The following TASOR2 variants were observed in gnomAD, a reference collection of about 807,000 sequenced individuals.
TASOR2 encodes transcription activation suppressor family member 2, also known as protein TASOR 2.
TASOR2 carries 84 observed loss-of-function variants against 199.5 expected under a neutral mutation model. The observed-to-expected ratio is 0.42, with a 90% CI of 0.35 to 0.50. The LOEUF (loss-of-function observed/expected upper bound fraction) is 0.50, where lower values mean the gene tolerates loss of function less well. TASOR2 is among the 20% of genes least tolerant of loss of function. TASOR2 has a pLI of 0.02. For synonymous variants in TASOR2, 1,103 were observed against 1,046.6 expected (o/e 1.05, Z -1.04); for missense variants, 2,796 against 2,835.9 (o/e 0.99, Z 0.32).
intron 19 of TASOR2, 60 bp downstream of exon 20, chr10:5,761,531 A>C (rs1839834450): frequency 2.4e-5 from 34 of 1,439,486 alleles, no homozygotes; most frequent in Non-Finnish European, 3.1e-5. Flanking sequence ...TAGGAATGTC[A>C]AAGTTAGATA....
At chr10:5,761,202 A>T in intron 18 of TASOR2, 88 bp from the exon 20 acceptor site, 1 of 1,143,746 alleles carries the variant, frequency 8.7e-7, no homozygotes, top group Non-Finnish European at 1.2e-6. Context: ...AGAGGAACTC[A>T]TGAGTTTGAA....
chr10:5,715,915 A>G (rs1832568850), intron 2 of TASOR2, among the ~76,000 whole-genome samples: 1 of 152,156 alleles, frequency 6.6e-6, no homozygotes, highest in Non-Finnish European at 1.5e-5. Flanking sequence ...TGCTGGGATT[A>G]CAGGTGTGAG....
chr10:5,715,118 T>G (rs1359333466), intron 2 of TASOR2, among the ~76,000 whole-genome samples: 1 of 152,048 alleles, frequency 6.6e-6, no homozygotes, highest in South Asian at 2.1e-4. Context: ...AGCAGAAAGA[T>G]CTCACGAAGA....
chr10:5,757,338 C>T (rs1839110179), intron 16 of TASOR2, among the ~76,000 whole-genome samples, 182 bp from the exon 18 acceptor site: 1 of 152,148 alleles, frequency 6.6e-6, no homozygotes, highest in Non-Finnish European at 1.5e-5. Flanking sequence ...TTTGCAGCCC[C>T]TGGTGATGAT....
Position 5,738,431 on chromosome 10 carries a change from G to A in TASOR2, c.1448-1187G>A, listed in dbSNP as rs1010426210. Among the ~76,000 whole-genome samples the A allele has an allele frequency of 5.9e-5, 9 of 152,140 alleles. No individual in the cohort carries two copies. Among genetic ancestry groups the A allele is most frequent in the Non-Finnish European group, 1.0e-4 (7 of 68,022 alleles). Reference sequence around the variant, plus strand: ...ATAATATTAACAAAGAATGAAATTAGCATCAGATCACAAAATTAATTTTAT... The same window carrying A: ...ATAATATTAACAAAGAATGAAATTAACATCAGATCACAAAATTAATTTTAT... On this transcript the variant is annotated intron_variant, in intron 12 of 20. Coordinates refer to ENST00000328090, the Ensembl canonical transcript of TASOR2. This position sits in a 1 kb window ranked among gnomAD's most constrained non-coding sequence, Gnocchi z 4.7.
chr10:5,759,747 G>A (rs571549187), intron 18 of TASOR2, among the ~76,000 whole-genome samples: 1 of 152,388 alleles, frequency 6.6e-6, no homozygotes, highest in East Asian at 1.9e-4. Flanking sequence ...ACTGTTAGCT[G>A]TATGTGACCT....
At chr10:5,718,324 T>G (rs1471868924) in intron 3 of TASOR2, among the ~76,000 whole-genome samples, 3 of 148,922 alleles carry the variant, frequency 2.0e-5, no homozygotes, top group Admixed American at 6.7e-5. Flanking sequence ...GTTTTATTGT[T>G]TTTTTTTTTA....
In TASOR2 at chr10:5,706,327, A is replaced by G. The variant is rs1588646589; in HGVS notation, c.-287-6496A>G. The stretch of plus-strand genomic sequence containing the variant: ...AATTGTTTTGGCTTATATCTTTCTT[A>G]TATAAATTTTAGAATCAGATCATCA... On this transcript the variant is annotated intron_variant, in intron 1 of 20. Transcript: ENST00000328090. The surrounding 1 kb of genome is among the most constrained non-coding windows in gnomAD (Gnocchi z 4.8). Among the ~76,000 whole-genome samples the G allele has an allele frequency of 6.6e-6, 1 of 152,226 alleles. No homozygotes were observed. Among genetic ancestry groups the G allele is most frequent in the Admixed American group, 6.5e-5 (1 of 15,296 alleles).
At position 5,762,738 on chromosome 10, in the gene TASOR2, CTG is replaced by C. The variant is rs946883081; in HGVS notation, c.7289+94_7289+95del. 72 of 742,694 alleles carry C rather than the reference CTG, an allele frequency of 9.7e-5. No homozygotes were observed. The East Asian group carries it at 1.1e-3, about 11-fold the overall frequency. 46.0% of individuals were successfully genotyped at this position (742,694 alleles called of 1,614,324 possible). ...GTGTCTAAGGGAAACAGTTGGGAAA[CTG>C]TTGTTTACATACTTCATGCTATAAA... is the stretch of plus-strand genomic sequence containing the variant. On this transcript the variant is annotated intron_variant, in intron 20 of 20. Coordinates refer to ENST00000328090, the Ensembl canonical transcript of TASOR2.
chr10:5,748,248 T>C lies in TASOR2; in HGVS notation c.4827T>C (p.Thr1609=). The C allele has an allele frequency of 6.2e-7, 1 of 1,614,220 alleles. No individual in the cohort carries two copies. ...TGAATGTGTCAGTAAAACAGCAGACTAGCCCTAAAAGCAGTCAGAACCATC... is the reference window on the plus strand; with the variant it reads ...TGAATGTGTCAGTAAAACAGCAGACCAGCCCTAAAAGCAGTCAGAACCATC... Residue 1609 remains threonine, a synonymous_variant, in exon 15 of 21, where the codon ACT becomes ACC. Transcript: ENST00000328090. The surrounding 1 kb of genome is among the most constrained non-coding windows in gnomAD (Gnocchi z 5.1).
intron 15 of TASOR2, among the ~76,000 whole-genome samples, chr10:5,753,690 C>T (rs189643648): frequency 2.6e-5 from 4 of 152,208 alleles, no homozygotes; most frequent in Non-Finnish European, 5.9e-5. Context: ...GAATGGTTGC[C>T]GGATTTGGTT....
chr10:5,744,928 C>G (rs1269782168), intron 14 of TASOR2, among the ~76,000 whole-genome samples: 2 of 152,194 alleles, frequency 1.3e-5, no homozygotes, highest in Non-Finnish European at 2.9e-5. Flanking sequence ...CGTGCCCTAC[C>G]TAAGACAGAA....
At chr10:5,694,026 T>C (rs957101664) in intron 1 of TASOR2, among the ~76,000 whole-genome samples, 7 of 151,986 alleles carry the variant, frequency 4.6e-5, no homozygotes, top group Admixed American at 1.3e-4. Context: ...GAGGTTTATC[T>C]GAGTGGATGA....
intron 20 of TASOR2, 59 bp from the exon 22 acceptor site, chr10:5,762,970 A>AAAAT: frequency 6.5e-7 from 1 of 1,543,670 alleles, no homozygotes; most frequent in Non-Finnish European, 8.9e-7. Flanking sequence ...TCCCGCTTAT[A>AAAAT]AAATATTTCT....
chr10:5,753,776 A>G (rs1220196284), intron 15 of TASOR2, among the ~76,000 whole-genome samples: 1 of 152,116 alleles, frequency 6.6e-6, no homozygotes, highest in Admixed American at 6.5e-5. Context: ...AAAGTTATTG[A>G]ATGGTCTTCA....
intron 3 of TASOR2, among the ~76,000 whole-genome samples, chr10:5,718,073 A>G (rs1639079410): frequency 6.6e-6 from 1 of 152,210 alleles, no homozygotes; most frequent in South Asian, 2.1e-4. Flanking sequence ...CTTATAAAAG[A>G]TGAATTTAGA....
chr10:5,731,097 G>C, exon 11 of TASOR2: 2 of 1,613,830 alleles, frequency 1.2e-6, no homozygotes. Context: ...AGGTGAACTT[G>C]TGCCGCCCCT....
intron 1 of TASOR2, chr10:5,712,425 T>A: frequency 1.6e-6 from 2 of 1,231,722 alleles, no homozygotes; most frequent in South Asian, 4.1e-5. Context: ...GTTCAGACTC[T>A]CTCTTCCAGA....
intron 8 of TASOR2, 72 bp downstream of exon 9, chr10:5,724,605 G>T: frequency 5.0e-6 from 1 of 198,804 alleles, no homozygotes. Flanking sequence ...GTGCCTAGAT[G>T]GCACATATAT....
Sources: gnomAD v4.1 joint callset for allele counts (sites outside exome capture counted in the v4.1 genomes callset) on GRCh38, gnomAD v4.1.1 for gene constraint, Gnocchi (gnomAD v3.1) non-coding constraint, MANE v1.5 for transcripts, NCBI Gene and HGNC (gene_info 2026-07-23, HGNC 2026-07-21) for gene names.